Variants in KMT2C observed in about 807,000 individuals in gnomAD.
KMT2C encodes the protein lysine methyltransferase 2C.
A neutral mutation model predicts 507.9 loss-of-function variants in KMT2C; 88 were observed. The observed-to-expected ratio is 0.17, with a 90% CI of 0.15 to 0.21. The LOEUF (loss-of-function observed/expected upper bound fraction) is 0.21, where lower values mean the gene tolerates loss of function less well. Among genes scored for constraint, KMT2C ranks in the 10% least tolerant of loss-of-function variants. KMT2C has a pLI of 1.00. For missense variants in KMT2C, 4,954 were observed against 5,957.8 expected, an observed-to-expected ratio of 0.83 and a Z score of 5.55; for synonymous variants, 2,049 against 2,080.8, an observed-to-expected ratio of 0.98 and a Z score of 0.42.
Position 152,163,153 on chromosome 7 carries a change from T to C in KMT2C, c.10424A>G (p.His3475Arg), listed in dbSNP as rs1413956686. 6.2e-7 allele frequency: 1 copy of C among 1,614,060 alleles called. No individual in the cohort carries two copies. Among genetic ancestry groups the C allele is most frequent in the Non-Finnish European group, 8.5e-7 (1 of 1,180,044 alleles). Residue 3475 changes from histidine (H) to arginine (R), a missense_variant, in exon 43 of 59, where the codon CAC (histidine) becomes CGC (arginine). By Grantham distance (29) the His-to-Arg change is conservative. Coordinates refer to ENST00000262189, the MANE Select transcript of KMT2C (RefSeq NM_170606.3). ...TAAAACCTGCCCCATTTGCTGTTGG[T>C]GTTGTGGAGACTGCTGAAGGGGTCC... ...PLGPLQQSPQ[H>R]QQQMGQVLQQ...
At chr7:152,361,943 A>G (rs1157030914) in intron 1 of KMT2C, among the ~76,000 whole-genome samples, 1 of 152,228 alleles carries the variant, frequency 6.6e-6, no homozygotes, top group Non-Finnish European at 1.5e-5. Flanking sequence ...GTATTTGGAC[A>G]ACACATTGAG....
chr7:152,432,260 G>T (rs1310499650), intron 1 of KMT2C, among the ~76,000 whole-genome samples: 1 of 152,124 alleles, frequency 6.6e-6, no homozygotes, highest in Admixed American at 6.5e-5. Context: ...TCATGAACTG[G>T]TAAGAAACAT....
intron 6 of KMT2C, among the ~76,000 whole-genome samples, chr7:152,309,050 A>AT (rs980826590): frequency 6.6e-6 from 1 of 152,116 alleles, no homozygotes; most frequent in African/African-American, 2.4e-5. Context: ...AACTAAAAAA[A>AT]TTTTTTTAAT....
At chr7:152,408,814 TAAAAAA>T (rs33915849) in intron 1 of KMT2C, among the ~76,000 whole-genome samples, 1 of 122,316 alleles carries the variant, frequency 8.2e-6, no homozygotes, top group Non-Finnish European at 1.8e-5. Flanking sequence ...AAGGTTTTGT[TAAAAAA>T]AAAAAAAAAA....
rs186126523 is a variant in KMT2C at position 152,200,451 on chromosome 7, G to A, written c.4093-992C>T. On this transcript the variant is annotated intron_variant, in intron 26 of 58. Transcript: ENST00000262189. The stretch of plus-strand genomic sequence containing the variant: ...TACAGTAAATTATAAAATACAGGTC[G>A]GGCGCAGTAGCTCACGCCTGTAATC... 1.2e-4 allele frequency among the ~76,000 whole-genome samples: 19 copies of A among 152,246 alleles called. No individual in the cohort carries two copies. In the East Asian group the frequency reaches 1.4e-3, roughly 11 times the overall value.
chr7:152,151,729 T>C (rs1377698012), intron 49 of KMT2C, 148 bp from the exon 50 acceptor site: 9 of 573,494 alleles, frequency 1.6e-5, no homozygotes, highest in Non-Finnish European at 2.9e-6. Context: ...TTCTAAGCAA[T>C]GGTTACAGAG....
chr7:152,262,366 A>G (rs2095795249), intron 9 of KMT2C, among the ~76,000 whole-genome samples: 1 of 152,214 alleles, frequency 6.6e-6, no homozygotes, highest in Non-Finnish European at 1.5e-5. Flanking sequence ...CAACACCAGC[A>G]GCCCAGGAAG....
At position 152,135,960 on chromosome 7, in the gene KMT2C, T is replaced by C. The variant is rs762300434; in HGVS notation, c.*872A>G. On this transcript the variant is annotated 3_prime_UTR_variant, in exon 59 of 59. Coordinates refer to ENST00000262189, the MANE Select transcript of KMT2C (RefSeq NM_170606.3). ...GCATATTTTATAACACAAAATTATATTGTAACATCCCTATGAACATTTTAT... is the reference window on the plus strand; with the variant it reads ...GCATATTTTATAACACAAAATTATACTGTAACATCCCTATGAACATTTTAT... 6 of 227,774 alleles carry C rather than the reference T, an allele frequency of 2.6e-5. No individual in the cohort carries two copies. The highest frequency in any genetic ancestry group is 1.3e-3 in the Middle Eastern group (1 of 772). 14.1% of individuals were successfully genotyped at this position (227,774 alleles called of 1,614,324 possible).
At chr7:152,274,847 C>T (rs1157370173) in intron 6 of KMT2C, among the ~76,000 whole-genome samples, 1 of 152,210 alleles carries the variant, frequency 6.6e-6, no homozygotes, top group Non-Finnish European at 1.5e-5. Context: ...AGGCACCATA[C>T]TATCTTTGTA....
At chr7:152,379,490 A>C (rs2097353564) in intron 1 of KMT2C, among the ~76,000 whole-genome samples, 1 of 151,970 alleles carries the variant, frequency 6.6e-6, no homozygotes, top group Admixed American at 6.6e-5. Flanking sequence ...GTGAGCCGAG[A>C]TCATGCCACT....
intron 1 of KMT2C, among the ~76,000 whole-genome samples, chr7:152,359,689 G>A (rs558527378): frequency 1.3e-5 from 2 of 151,662 alleles, no homozygotes; most frequent in African/African-American, 4.8e-5. Context: ...AAGGGAGGGA[G>A]GGAGGAAATA....
At chr7:152,426,238 T>G (rs1324183147) in intron 1 of KMT2C, among the ~76,000 whole-genome samples, 4 of 146,422 alleles carry the variant, frequency 2.7e-5, no homozygotes, top group Admixed American at 6.8e-5. Context: ...TAGTTTTTTT[T>G]TTTTTTTTTT....
intron 1 of KMT2C, among the ~76,000 whole-genome samples, chr7:152,369,301 C>G (rs1313439914): frequency 6.8e-6 from 1 of 147,116 alleles, no homozygotes; most frequent in Non-Finnish European, 1.5e-5. Flanking sequence ...CCAGCCTGGG[C>G]AACAGAGTGA....
chr7:152,432,645 G>A lies in KMT2C; in HGVS notation c.161+2981C>T, dbSNP rs554235240. On this transcript the variant is annotated intron_variant, in intron 1 of 58. Transcript: ENST00000262189. ...TTGATTTTAGGTAGTAAAATTTTAA[G>A]ATATTTATAGTTAATGTAAAAGCAG... is the stretch of plus-strand genomic sequence containing the variant. Among the ~76,000 whole-genome samples the A allele has an allele frequency of 1.4e-4, 21 of 152,184 alleles. No homozygotes were observed. In the South Asian group the frequency reaches 4.1e-3, roughly 30 times the overall value.
chr7:152,144,637 T>C lies in KMT2C; in HGVS notation c.14343+76A>G. 1.4e-6 allele frequency: 2 copies of C among 1,382,896 alleles called. No individual in the cohort carries two copies. The highest frequency in any genetic ancestry group is 1.4e-5 in the African/African-American group (1 of 70,000). The allele number at this position is 1,382,896 out of a possible 1,614,324, so 85.7% of individuals were successfully genotyped here. On this transcript the variant is annotated intron_variant, in intron 55 of 58. Transcript: ENST00000262189. This position sits in a 1 kb window ranked among gnomAD's most constrained non-coding sequence, Gnocchi z 4.4. ...GCAGCTATGTGAAATCATTTTCACATACTGGACATCAATAGCTTCAGATTG... is the reference window on the plus strand; with the variant it reads ...GCAGCTATGTGAAATCATTTTCACACACTGGACATCAATAGCTTCAGATTG...
intron 1 of KMT2C, among the ~76,000 whole-genome samples, chr7:152,390,564 T>C (rs1210850557): frequency 6.6e-6 from 1 of 152,220 alleles, no homozygotes; most frequent in Non-Finnish European, 1.5e-5. Flanking sequence ...TTGTATACAT[T>C]ATCATTTAAT....
intron 9 of KMT2C, among the ~76,000 whole-genome samples, chr7:152,261,557 A>G (rs1272756362): frequency 1.3e-5 from 2 of 152,238 alleles, no homozygotes; most frequent in African/African-American, 4.8e-5. Context: ...ATGAAATGAA[A>G]GCATAAATTA....
chr7:152,420,439 G>T (rs1000839573), intron 1 of KMT2C, among the ~76,000 whole-genome samples: 2 of 152,150 alleles, frequency 1.3e-5, no homozygotes, highest in African/African-American at 4.8e-5. Flanking sequence ...CCAGTGTTTG[G>T]AATGTTCTGC....
At chr7:152,275,666 C>A (rs2096068288) in intron 6 of KMT2C, among the ~76,000 whole-genome samples, 1 of 152,204 alleles carries the variant, frequency 6.6e-6, no homozygotes, top group Non-Finnish European at 1.5e-5. Context: ...CCCAAGGTAT[C>A]TAAATATGTT....
Sources: allele counts gnomAD v4.1 joint callset (sites outside exome capture counted in the v4.1 genomes callset), GRCh38; gene constraint gnomAD v4.1.1; non-coding constraint Gnocchi (gnomAD v3.1); transcripts MANE v1.5; gene names NCBI Gene and HGNC (gene_info 2026-07-23, HGNC 2026-07-21).